ZBTB1: variants seen among roughly 807,000 people sequenced by gnomAD.
ZBTB1 encodes the protein zinc finger and BTB domain-containing protein 1.
A neutral mutation model predicts 51.6 loss-of-function variants in ZBTB1; 13 were observed. That is an observed-to-expected ratio of 0.25 (90% CI 0.16 to 0.40). ZBTB1 has a LOEUF of 0.40. Ranked by LOEUF, ZBTB1 falls within the 10% of genes least tolerant of loss-of-function variation. The probability of loss-of-function intolerance (pLI) is 1.00; values close to 1 mark genes in which losing one functional copy is unlikely to be tolerated. For missense variants in ZBTB1, 567 were observed against 856.5 expected, an observed-to-expected ratio of 0.66 and a Z score of 4.22; for synonymous variants, 240 against 282.2, an observed-to-expected ratio of 0.85 and a Z score of 1.50.
At chr14:64,532,026 C>T (rs2079945865) in exon 3 of ZBTB1, 1 of 1,096,338 alleles carries the variant, frequency 9.1e-7, no homozygotes, top group Non-Finnish European at 1.3e-6. Context: ...TTCCATCAAC[C>T]CAAAAAGTTC....
downstream of ZBTB1, among the ~76,000 whole-genome samples, chr14:64,528,515 T>TG (rs1360901504): frequency 6.6e-6 from 1 of 152,132 alleles, no homozygotes; most frequent in Non-Finnish European, 1.5e-5. Flanking sequence ...CAAAAAGCTC[T>TG]GGGGGAACAT....
chr14:64,512,236 G>A (rs779950858), intron 1 of ZBTB1, among the ~76,000 whole-genome samples: 7 of 152,144 alleles, frequency 4.6e-5, no homozygotes, highest in Non-Finnish European at 8.8e-5. Flanking sequence ...AGAAGTTCCC[G>A]CATAGCTAAA....
In ZBTB1 at chr14:64,524,277, A is replaced by G; in HGVS notation, c.*631A>G. On this transcript the variant is annotated 3_prime_UTR_variant, in exon 2 of 2. Transcript: ENST00000683701. ...TATAAATGAATATTTCCTATAATTG[A>G]TAAAATATTATCATTTAATTATCAC... The G allele has an allele frequency of 1.1e-6, 1 of 950,844 alleles. No individual in the cohort carries two copies. The allele number at this position is 950,844 out of a possible 1,614,324, so 58.9% of individuals were successfully genotyped here.
At chr14:64,520,704 ACAAT>A (rs1481765459) in intron 1 of ZBTB1, among the ~76,000 whole-genome samples, 1 of 152,188 alleles carries the variant, frequency 6.6e-6, no homozygotes, top group Non-Finnish European at 1.5e-5. Context: ...TCTTTTTAAC[ACAAT>A]CAAAATACCT....
At chr14:64,504,016 A>G (rs2079590652), upstream of ZBTB1, 1 of 152,246 alleles carries the variant, frequency 6.6e-6, no homozygotes, top group African/African-American at 2.4e-5. Context: ...CAGGCTCCCC[A>G]CAAACAACCG....
chr14:64,509,009 T>C (rs985884006), intron 1 of ZBTB1, among the ~76,000 whole-genome samples: 6 of 152,174 alleles, frequency 3.9e-5, no homozygotes, highest in African/African-American at 1.4e-4. Flanking sequence ...TGGTACCATA[T>C]TGTTGTATGT....
In ZBTB1 at chr14:64,523,423, A is replaced by G. The variant is rs757331254; in HGVS notation, c.1919A>G (p.Asp640Gly). The change falls in exon 2 of 2, where the codon GAT (aspartate) becomes GGT (glycine). Residue 640 changes from aspartate to glycine, a missense_variant. Asp to Gly is a moderately conservative substitution (Grantham distance 94). Around this residue, in one of 5 missense-constraint regions of ZBTB1, gnomAD observed 69 missense variants for 171.8 expected, o/e 0.40. Transcript: ENST00000683701. This position sits in a 1 kb window ranked among gnomAD's most constrained non-coding sequence, Gnocchi z 4.5. The stretch of plus-strand genomic sequence containing the variant: ...GCCAGGTATGTCTGTTCCATTTGTG[A>G]TCAAGGAAACTTCAGAAAACATGAC... ...GMARYVCSICDQGNFRKHDHV... is the reference protein window; with the variant it reads ...GMARYVCSICGQGNFRKHDHV... 2 of 1,614,200 alleles carry G rather than the reference A, an allele frequency of 1.2e-6. No homozygotes were observed. The highest frequency in any genetic ancestry group is 2.2e-5 in the South Asian group (2 of 91,084).
chr14:64,517,782 T>TATATATATATATATATATATATATA (rs1491377695), intron 1 of ZBTB1, among the ~76,000 whole-genome samples: 1 of 34,814 alleles, frequency 2.9e-5, no homozygotes, highest in African/African-American at 1.0e-4. Context: ...TATATATATA[T>TATATATATATATATATATATATATA]TTTTTTTTTT....
At chr14:64,518,936 A>ATATATATATATATATATATATATAT (rs1742006787) in intron 1 of ZBTB1, among the ~76,000 whole-genome samples, 3 of 136,914 alleles carry the variant, frequency 2.2e-5, no homozygotes, top group Non-Finnish European at 3.2e-5. Context: ...ATATATATAT[A>ATATATATATATATATATATATATAT]GTATGATACC....
rs746788063 is a variant in ZBTB1, at chr14:64,531,841, T to C, written c.1899-20T>C. On this transcript the variant is annotated intron_variant, in intron 2 of 2. Coordinates refer to the ZBTB1 transcript ENST00000358738. Reference sequence around the variant, plus strand: ...TTGTAATATTATTTTTCTTGAGTTTTGTCTTTTTCTGTGTGGCAGTGGTGA... The same window carrying C: ...TTGTAATATTATTTTTCTTGAGTTTCGTCTTTTTCTGTGTGGCAGTGGTGA... 8.6e-5 allele frequency: 138 copies of C among 1,613,506 alleles called. 4 individuals are homozygous for C. The South Asian group carries it at 1.4e-3, about 17-fold the overall frequency.
rs1450022846 is a variant in ZBTB1 at position 64,523,642 on chromosome 14, C to G, written c.2138C>G (p.Thr713Ser). The G allele has an allele frequency of 6.5e-7, 1 of 1,546,296 alleles. No individual in the cohort carries two copies. Among genetic ancestry groups the G allele is most frequent in the African/African-American group, 1.4e-5 (1 of 72,844 alleles). ...SHYNAKHLKR[T>S] ...TATAATGCCAAGCATTTGAAAAGAACCTGAGTGATTTTCTACTGTACTAAT... is the reference window on the plus strand; with the variant it reads ...TATAATGCCAAGCATTTGAAAAGAAGCTGAGTGATTTTCTACTGTACTAAT... Residue 713 changes from threonine (T) to serine (S), a missense_variant, in exon 2 of 2, where the codon ACC (threonine) becomes AGC (serine). By Grantham distance (58) the Thr-to-Ser change is moderately conservative. This residue lies in a region of ZBTB1 where 69 missense variants were observed against 171.8 expected (regional missense o/e 0.40). Coordinates refer to ENST00000683701, the MANE Select transcript of ZBTB1 (RefSeq NM_001123329.2). The surrounding 1 kb of genome is among the most constrained non-coding windows in gnomAD (Gnocchi z 4.5).
intron 1 of ZBTB1, among the ~76,000 whole-genome samples, chr14:64,510,303 C>T (rs879383655): frequency 1.2e-4 from 19 of 152,226 alleles, no homozygotes; most frequent in Admixed American, 2.6e-4. Context: ...TTCTCAAGGT[C>T]ACACACTTAA....
At chr14:64,505,669 C>T (rs1247048104) in intron 1 of ZBTB1, among the ~76,000 whole-genome samples, 2 of 152,156 alleles carry the variant, frequency 1.3e-5, no homozygotes, top group East Asian at 1.9e-4. Flanking sequence ...TCCCTTTCTA[C>T]CTAAGCAACG....
exon 3 of ZBTB1, chr14:64,533,668 T>G (rs1283076344): frequency 6.6e-6 from 1 of 152,536 alleles, no homozygotes; most frequent in Non-Finnish European, 1.5e-5. Flanking sequence ...CTAATAAAAT[T>G]TCCTCCTCTA....
At chr14:64,518,670 T>C (rs894165362) in intron 1 of ZBTB1, 1 of 152,120 alleles carries the variant, frequency 6.6e-6, no homozygotes, top group Non-Finnish European at 1.5e-5. Context: ...TTCAGTCAAA[T>C]TGCATAGGAA....
chr14:64,526,395 T>C (rs1435678165), downstream of ZBTB1, among the ~76,000 whole-genome samples: 2 of 152,178 alleles, frequency 1.3e-5, no homozygotes, highest in Non-Finnish European at 2.9e-5. Context: ...GTGAAGGTAA[T>C]GAAACAAGTG....
chr14:64,523,771 C>CT lies in ZBTB1; in HGVS notation c.*128dup. The CT allele has an allele frequency of 7.3e-7, 1 of 1,365,148 alleles. No individual in the cohort carries two copies. The highest frequency in any genetic ancestry group is 1.5e-5 in the African/African-American group (1 of 67,738). The allele number at this position is 1,365,148 out of a possible 1,614,324, so 84.6% of individuals were successfully genotyped here. A position where few individuals can be genotyped will look rare whatever the true frequency, so the allele number is the denominator to read the frequency against. On this transcript the variant is annotated 3_prime_UTR_variant, in exon 2 of 2. Transcript: ENST00000683701. The surrounding 1 kb of genome is among the most constrained non-coding windows in gnomAD (Gnocchi z 4.5). ...GAAACAAATTTCAAGGCCCTTTTAA[C>CT]TTTAATATTTTTGTTTAGGATTTTA...
chr14:64,529,181 A>C (rs999360367), downstream of ZBTB1, among the ~76,000 whole-genome samples: 6 of 152,234 alleles, frequency 3.9e-5, no homozygotes, highest in African/African-American at 1.2e-4. Flanking sequence ...TTTAAACTTA[A>C]AACAGTTAGT....
In ZBTB1 at chr14:64,522,649, A is replaced by C; in HGVS notation, c.1145A>C (p.Lys382Thr). 6.2e-7 allele frequency: 1 copy of C among 1,614,198 alleles called. No individual in the cohort carries two copies. Among genetic ancestry groups the C allele is most frequent in the Non-Finnish European group, 8.5e-7 (1 of 1,180,020 alleles). The change falls in exon 2 of 2, where the codon AAA becomes ACA. Residue 382 changes from lysine to threonine, a missense_variant. Physicochemically the swap from Lys to Thr is moderately conservative, Grantham distance 78. Coordinates refer to ENST00000683701, the MANE Select transcript of ZBTB1 (RefSeq NM_001123329.2). ...YYVEEDVSIK[K>T]SGRKTLKPRM... ...GTTGAAGAAGATGTCAGCATAAAAA[A>C]AAGTGGTAGGAAAACTCTAAAACCT... is the stretch of plus-strand genomic sequence containing the variant.
Sources: allele counts gnomAD v4.1 joint callset (sites outside exome capture counted in the v4.1 genomes callset), GRCh38; gene constraint gnomAD v4.1.1; regional missense constraint gnomAD v4.1.1; non-coding constraint Gnocchi (gnomAD v3.1); transcripts MANE v1.5; gene names NCBI Gene and HGNC (gene_info 2026-07-23, HGNC 2026-07-21).